Variants in RASSF2 observed in about 807,000 individuals in gnomAD.
RASSF2 encodes ras association domain-containing protein 2.
Under a neutral mutation model 46.3 loss-of-function variants are expected in RASSF2, and 34 were observed. That is an observed-to-expected ratio of 0.73 (90% CI 0.56 to 0.98). The LOEUF is 0.98. RASSF2 is among the 50% of genes least tolerant of loss of function. The pLI, the probability that RASSF2 is intolerant of heterozygous loss-of-function variation, is 0.00. For missense variants in RASSF2, 364 were observed against 431.2 expected, an observed-to-expected ratio of 0.84 and a Z score of 1.38; for synonymous variants, 158 against 162.5, an observed-to-expected ratio of 0.97 and a Z score of 0.21.
intron 8 of RASSF2, 98 bp downstream of exon 8, chr20:4,789,498 C>A: frequency 9.6e-7 from 1 of 1,036,584 alleles, no homozygotes; most frequent in Non-Finnish European, 1.5e-6. Context: ...CAGCATCCCA[C>A]AAAACACACA....
intron 2 of RASSF2, among the ~76,000 whole-genome samples, chr20:4,813,868 G>A (rs1056603152): frequency 6.6e-6 from 1 of 152,036 alleles, no homozygotes. Context: ...TGGTGTGTGT[G>A]CTTGGTATGT....
chr20:4,802,122 AGT>A (rs1301409647), intron 2 of RASSF2, among the ~76,000 whole-genome samples: 1 of 152,006 alleles, frequency 6.6e-6, no homozygotes, highest in Non-Finnish European at 1.5e-5. Flanking sequence ...CTGGGCTGGG[AGT>A]GCAGTGGCAT....
In RASSF2 at chr20:4,795,685, G is replaced by A. The variant is rs1002747122; in HGVS notation, c.287+130C>T. 16 of 1,126,306 alleles carry A rather than the reference G, an allele frequency of 1.4e-5. No homozygotes were observed. The highest frequency in any genetic ancestry group is 1.6e-5 in the Non-Finnish European group (13 of 803,202). The allele number at this position is 1,126,306 out of a possible 1,614,324, so 69.8% of individuals were successfully genotyped here. A position where few individuals can be genotyped will look rare whatever the true frequency, so the allele number is the denominator to read the frequency against. On this transcript the variant is annotated intron_variant, in intron 5 of 11. Coordinates refer to ENST00000379400, the MANE Select transcript of RASSF2 (RefSeq NM_014737.3). The surrounding 1 kb of genome is among the most constrained non-coding windows in gnomAD (Gnocchi z 4.0). ...CCTCATTCCAAGGCTAAGGCAGGTG[G>A]GCAGTAGAGGTAGTAGGAGGAGGAG...
chr20:4,788,337 C>G, intron 8 of RASSF2, 69 bp from the exon 9 acceptor site: 1 of 1,447,448 alleles, frequency 6.9e-7, no homozygotes. Flanking sequence ...GGCTTTTCCT[C>G]TTCTTTAGCA....
At chr20:4,788,408 A>G (rs945871351) in intron 8 of RASSF2, 140 bp from the exon 9 acceptor site, 1 of 709,060 alleles carries the variant, frequency 1.4e-6, no homozygotes, top group Non-Finnish European at 2.4e-6. Flanking sequence ...TACAACTCTC[A>G]GAAGTGATGA....
chr20:4,789,333 G>A (rs190741086), intron 8 of RASSF2, among the ~76,000 whole-genome samples: 3 of 152,214 alleles, frequency 2.0e-5, no homozygotes, highest in East Asian at 1.9e-4. Flanking sequence ...CTTGTTAGAC[G>A]GCGTCCCTGG....
intron 4 of RASSF2, among the ~76,000 whole-genome samples, chr20:4,797,770 C>T (rs546081911): frequency 6.6e-6 from 1 of 152,306 alleles, no homozygotes; most frequent in Non-Finnish European, 1.5e-5. Context: ...TGAGACTGGG[C>T]TAGCCCTGCC....
In RASSF2 at chr20:4,780,571, T is replaced by G. The variant is rs1924707741; in HGVS notation, c.*3702A>C. The G allele has an allele frequency of 6.6e-6, 1 of 152,268 alleles. No homozygotes were observed. Among genetic ancestry groups the G allele is most frequent in the Non-Finnish European group, 1.5e-5 (1 of 68,050 alleles). 9.4% of individuals were successfully genotyped at this position (152,268 alleles called of 1,614,324 possible). On this transcript the variant is annotated 3_prime_UTR_variant, in exon 12 of 12. Transcript: ENST00000379400. ...TAAGTGGAAACGTGAAAATGTGTGC[T>G]GCTATATCAGGGACGCTTATGGTGA...
chr20:4,787,497 G>A (rs1442296705), intron 10 of RASSF2, 136 bp downstream of exon 10: 50 of 1,084,898 alleles, frequency 4.6e-5, no homozygotes, highest in South Asian at 2.3e-4. Context: ...AGCTGGCTTC[G>A]AGAGAACCTG....
chr20:4,787,611 G>A (rs746642922), intron 10 of RASSF2, 22 bp downstream of exon 10: 63 of 1,613,890 alleles, frequency 3.9e-5, no homozygotes, highest in East Asian at 1.8e-4. Context: ...AGGACAGATC[G>A]CCTGACCCAA....
chr20:4,784,723 C>A (rs1277339274), intron 11 of RASSF2, among the ~76,000 whole-genome samples: 1 of 151,968 alleles, frequency 6.6e-6, no homozygotes, highest in Non-Finnish European at 1.5e-5. Flanking sequence ...AGCTCATGAA[C>A]CCTCACCTAG....
chr20:4,810,389 C>T (rs1927684859), intron 2 of RASSF2, among the ~76,000 whole-genome samples: 1 of 152,224 alleles, frequency 6.6e-6, no homozygotes, highest in Non-Finnish European at 1.5e-5. Flanking sequence ...TCTCAAGACG[C>T]TCTAGGAGGA....
chr20:4,821,847 C>CA (rs1188021870), intron 2 of RASSF2, among the ~76,000 whole-genome samples: 8 of 150,986 alleles, frequency 5.3e-5, no homozygotes, highest in African/African-American at 2.0e-4. Flanking sequence ...ACAGCCTAGG[C>CA]ATCAGGCTGA....
At chr20:4,788,529 T>C (rs1044979880) in intron 8 of RASSF2, among the ~76,000 whole-genome samples, 7 of 152,210 alleles carry the variant, frequency 4.6e-5, no homozygotes, top group African/African-American at 1.4e-4. Context: ...GCAAACATCA[T>C]AGAGTGTGCT....
At chr20:4,792,378 T>G (rs1187041465) in intron 6 of RASSF2, among the ~76,000 whole-genome samples, 161 bp downstream of exon 6, 1 of 152,104 alleles carries the variant, frequency 6.6e-6, no homozygotes, top group Admixed American at 6.5e-5. Flanking sequence ...CTCGGGATGC[T>G]TCTAGGTGGG....
Position 4,781,195 on chromosome 20 carries a change from C to T in RASSF2, c.*3078G>A, listed in dbSNP as rs1404809746. ...AGTAACCACTCAACTCCACAGACTT[C>T]TTGTTGAGACTTTTTTGCATGGAAA... On this transcript the variant is annotated 3_prime_UTR_variant, in exon 12 of 12. Transcript: ENST00000379400. 1 of 150,094 alleles carries T rather than the reference C, an allele frequency of 6.7e-6. No individual in the cohort carries two copies. The highest frequency in any genetic ancestry group is 1.5e-5 in the Non-Finnish European group (1 of 67,730). The allele number at this position is 150,094 out of a possible 1,614,324, so 9.3% of individuals were successfully genotyped here. A position where few individuals can be genotyped will look rare whatever the true frequency, so the allele number is the denominator to read the frequency against.
chr20:4,791,015 G>A (rs981833403), intron 6 of RASSF2, among the ~76,000 whole-genome samples: 2 of 152,152 alleles, frequency 1.3e-5, no homozygotes, highest in African/African-American at 4.8e-5. Flanking sequence ...GAGCTAACAA[G>A]ATACTGCAAA....
At position 4,805,275 on chromosome 20, in the gene RASSF2, T is replaced by C. The variant is rs189097383; in HGVS notation, c.-32-4213A>G. The stretch of plus-strand genomic sequence containing the variant: ...CCCTAAATGTAACCACCAGTGTCCT[T>C]ATAAGAGGGAGGCTCTGCCACAGCA... On this transcript the variant is annotated intron_variant, in intron 2 of 11. Transcript: ENST00000379400. 1.2e-3 allele frequency among the ~76,000 whole-genome samples: 188 copies of C among 152,066 alleles called. 1 individual carries two copies. Among genetic ancestry groups the C allele is most frequent in the African/African-American group, 4.3e-3 (178 of 41,486 alleles).
chr20:4,796,136 C>T (rs1926336632), intron 4 of RASSF2, among the ~76,000 whole-genome samples, 170 bp from the exon 5 acceptor site: 1 of 152,228 alleles, frequency 6.6e-6, no homozygotes, highest in Admixed American at 6.5e-5. Context: ...GAGATACTTT[C>T]TGACGTCAAC....
Sources: allele counts gnomAD v4.1 joint callset (sites outside exome capture counted in the v4.1 genomes callset), GRCh38; gene constraint gnomAD v4.1.1; non-coding constraint Gnocchi (gnomAD v3.1); transcripts MANE v1.5; gene names NCBI Gene and HGNC (gene_info 2026-07-23, HGNC 2026-07-21).